The following GLIS3 variants were observed in gnomAD, a reference collection of about 807,000 sequenced individuals.
GLIS3 encodes zinc finger protein GLIS3.
GLIS3 carries 53 observed loss-of-function variants against 78.6 expected under a neutral mutation model. That is an observed-to-expected ratio of 0.67 (90% CI 0.54 to 0.85). The LOEUF (loss-of-function observed/expected upper bound fraction) is 0.85, where lower values mean the gene tolerates loss of function less well. Ranked by LOEUF, GLIS3 falls within the 40% of genes least tolerant of loss-of-function variation. The pLI is 0.00. For synonymous variants in GLIS3, 684 were observed against 509.9 expected (o/e 1.34, Z -4.60); for missense variants, 1,703 against 1,231.1 (o/e 1.38, Z -5.74).
At chr9:3,911,100 TCTTCCTTCCTTC>T (rs534986962) in intron 6 of GLIS3, among the ~76,000 whole-genome samples, 1 of 151,718 alleles carries the variant, frequency 6.6e-6, no homozygotes, top group South Asian at 2.1e-4. Flanking sequence ...TTCCTTCCTT[TCTTCCTTCCTTC>T]CTTCCTTCCT....
chr9:3,853,097 G>A (rs10814696), intron 9 of GLIS3, among the ~76,000 whole-genome samples: 73,348 of 151,850 alleles, frequency 0.48, 19,191 homozygotes, highest in East Asian at 0.91. Context: ...CTGCAGTCTC[G>A]GCTGCTTGGG....
At chr9:4,134,717 T>C (rs1311926546) in intron 2 of GLIS3, among the ~76,000 whole-genome samples, 1 of 152,212 alleles carries the variant, frequency 6.6e-6, no homozygotes, top group East Asian at 1.9e-4. Flanking sequence ...GTGTGCAAAA[T>C]GGTAGGAACA....
chr9:3,826,006 A>G lies in GLIS3; in HGVS notation c.*2266T>C, dbSNP rs1817708548. 1 of 152,210 alleles carries G rather than the reference A, an allele frequency of 6.6e-6. No homozygotes were observed. The highest frequency in any genetic ancestry group is 2.4e-5 in the African/African-American group (1 of 41,434). The allele number at this position is 152,210 out of a possible 1,614,324, so 9.4% of individuals were successfully genotyped here. A position where few individuals can be genotyped will look rare whatever the true frequency, so the allele number is the denominator to read the frequency against. On this transcript the variant is annotated 3_prime_UTR_variant, in exon 11 of 11. Coordinates refer to ENST00000381971, the MANE Select transcript of GLIS3 (RefSeq NM_001042413.2). ...GGTTACTGTGAGAGGCCACAGGAAG[A>G]CTGGAGCCTGGTTCACAAGCAGCTC...
At chr9:4,063,899 C>T (rs558230883) in intron 4 of GLIS3, among the ~76,000 whole-genome samples, 5 of 152,226 alleles carry the variant, frequency 3.3e-5, no homozygotes, top group Admixed American at 1.3e-4. Flanking sequence ...TTCAATAATA[C>T]ACCTACTGAA....
rs199936515 is a variant in GLIS3, at chr9:4,117,981, C to G, written c.1497G>C (p.Lys499Asn). The G allele has an allele frequency of 1.2e-6, 2 of 1,612,694 alleles. No individual in the cohort carries two copies. The highest frequency in any genetic ancestry group is 2.7e-5 in the African/African-American group (2 of 74,930). Residue 499 changes from lysine to asparagine, a missense_variant, in exon 4 of 11, where the codon AAG becomes AAC. Lys to Asn is a moderately conservative substitution (Grantham distance 94). Transcript: ENST00000381971. The part of the protein sequence containing the change: ...DDGEMDGIGG[K>N]HCCRWIDCSA... The stretch of plus-strand genomic sequence containing the variant: ...TGCAGTCGATCCAGCGGCAGCAATG[C>G]TTGCCCCCGATGCCGTCCATCTCCC...
the GLIS3 span, among the ~76,000 whole-genome samples, chr9:4,446,454 T>G: frequency 6.6e-6 from 1 of 151,818 alleles, no homozygotes; most frequent in Non-Finnish European, 1.5e-5. Flanking sequence ...CAGTGTAAGG[T>G]AGTTTGTTGT....
At chr9:4,195,443 C>T (rs1285917095) in intron 2 of GLIS3, among the ~76,000 whole-genome samples, 3 of 152,224 alleles carry the variant, frequency 2.0e-5, no homozygotes, top group Admixed American at 6.5e-5. Flanking sequence ...AGCACCCGGG[C>T]CAGCAGCTGC....
upstream of GLIS3, among the ~76,000 whole-genome samples, chr9:4,353,315 A>G (rs566557685): frequency 6.6e-6 from 1 of 152,266 alleles, no homozygotes; most frequent in Non-Finnish European, 1.5e-5. Context: ...TTTGTGCATG[A>G]AATTGCTTGC....
At chr9:4,355,130 T>C in the GLIS3 span, among the ~76,000 whole-genome samples, 1 of 100,578 alleles carries the variant, frequency 9.9e-6, no homozygotes, top group Non-Finnish European at 2.3e-5. Flanking sequence ...AGACTCCATC[T>C]CGAAAAAAAA....
At chr9:3,988,637 T>C (rs982296440) in intron 4 of GLIS3, among the ~76,000 whole-genome samples, 4 of 152,008 alleles carry the variant, frequency 2.6e-5, no homozygotes, top group African/African-American at 9.7e-5. Context: ...CAAAGATGCA[T>C]AATCAACTCA....
In GLIS3 at chr9:3,828,041, G is replaced by T. The variant is rs534869908; in HGVS notation, c.*231C>A. On this transcript the variant is annotated 3_prime_UTR_variant, in exon 11 of 11. Transcript: ENST00000381971. Reference sequence around the variant, plus strand: ...GCTCTAAATTCCCTTTGAAAAGACAGTCCTCCTGGTCACATAGTCCAGGAA... The same window carrying T: ...GCTCTAAATTCCCTTTGAAAAGACATTCCTCCTGGTCACATAGTCCAGGAA... The T allele has an allele frequency of 3.3e-5, 19 of 568,478 alleles. No homozygotes were observed. The African/African-American group carries it at 3.6e-4, about 11-fold the overall frequency. 35.2% of individuals were successfully genotyped at this position (568,478 alleles called of 1,614,324 possible). A position where few individuals can be genotyped will look rare whatever the true frequency, so the allele number is the denominator to read the frequency against.
intron 4 of GLIS3, among the ~76,000 whole-genome samples, chr9:4,062,343 T>C (rs912294986): frequency 1.3e-5 from 2 of 151,890 alleles, no homozygotes; most frequent in Non-Finnish European, 2.9e-5. Flanking sequence ...GGGAGAGAGG[T>C]GGAAAGAAAA....
intron 2 of GLIS3, among the ~76,000 whole-genome samples, chr9:4,325,008 G>A (rs1012440110): frequency 1.3e-5 from 2 of 152,164 alleles, no homozygotes; most frequent in African/African-American, 2.4e-5. Flanking sequence ...ACGGCCTGGT[G>A]CTGTAGGTAC....
intron 4 of GLIS3, among the ~76,000 whole-genome samples, chr9:4,097,053 A>G (rs1830007363): frequency 6.6e-6 from 1 of 152,090 alleles, no homozygotes; most frequent in Non-Finnish European, 1.5e-5. Context: ...GAAAGGAAAC[A>G]AAGGGTGAGA....
chr9:3,856,390 GA>G (rs550239137), intron 8 of GLIS3, among the ~76,000 whole-genome samples: 15 of 152,284 alleles, frequency 9.9e-5, no homozygotes, highest in Non-Finnish European at 1.8e-4. Context: ...CTGAGATACA[GA>G]GGGAATAAAC....
At chr9:4,214,941 T>C (rs1322398647) in intron 2 of GLIS3, among the ~76,000 whole-genome samples, 1 of 152,156 alleles carries the variant, frequency 6.6e-6, no homozygotes, top group East Asian at 1.9e-4. Context: ...TTAAAAACTA[T>C]TTGCTCACCT....
At chr9:4,347,316 T>C (rs887992269) in intron 1 of GLIS3, 1 of 152,154 alleles carries the variant, frequency 6.6e-6, no homozygotes, top group Non-Finnish European at 1.5e-5. Context: ...AATCTACTCA[T>C]GAGGGATCTG....
chr9:4,412,490 A>G, the GLIS3 span, among the ~76,000 whole-genome samples: 6 of 152,306 alleles, frequency 3.9e-5, no homozygotes, highest in East Asian at 9.6e-4. Flanking sequence ...GTAAGAATGG[A>G]TATCACCCTT....
At chr9:4,482,475 C>T in the GLIS3 span, among the ~76,000 whole-genome samples, 7 of 152,172 alleles carry the variant, frequency 4.6e-5, no homozygotes, top group Non-Finnish European at 1.5e-5. Flanking sequence ...CCATCTTTCT[C>T]CCCACCCATG....
Sources: allele counts gnomAD v4.1 joint callset (sites outside exome capture counted in the v4.1 genomes callset), GRCh38; gene constraint gnomAD v4.1.1; transcripts MANE v1.5; gene names NCBI Gene and HGNC (gene_info 2026-07-23, HGNC 2026-07-21).